TCF7L2: variants seen among roughly 807,000 people sequenced by gnomAD.
TCF7L2 encodes the protein transcription factor 7-like 2.
TCF7L2 carries 23 observed loss-of-function variants against 77.9 expected under a neutral mutation model. The ratio of observed to expected loss-of-function variants is 0.30; its 90% CI spans 0.21 to 0.42. TCF7L2 has a LOEUF of 0.42. Ranked by LOEUF, TCF7L2 falls within the 10% of genes least tolerant of loss-of-function variation. The pLI is 1.00. For synonymous variants in TCF7L2, 413 were observed against 340.2 expected (o/e 1.21, Z -2.36); for missense variants, 654 against 793.1 (o/e 0.82, Z 2.11).
chr10:113,164,775 G>GT (rs1453426252), intron 13 of TCF7L2, among the ~76,000 whole-genome samples: 4 of 148,764 alleles, frequency 2.7e-5, no homozygotes, highest in Non-Finnish European at 4.5e-5. Flanking sequence ...TTCGTTTTTT[G>GT]TTTTTTGTTT....
intron 5 of TCF7L2, among the ~76,000 whole-genome samples, chr10:113,121,067 TG>T (rs141294561): frequency 4.6e-4 from 70 of 151,982 alleles, no homozygotes; most frequent in Non-Finnish European, 8.1e-4. Flanking sequence ...CTTCGCAAAA[TG>T]GGGGGAAAAG....
At chr10:113,152,194 A>G in intron 10 of TCF7L2, 139 bp from the exon 11 acceptor site, 1 of 870,720 alleles carries the variant, frequency 1.1e-6, no homozygotes, top group Admixed American at 1.7e-5. Context: ...GTCAGTATGT[A>G]CAGATTATAC....
chr10:112,990,621 G>A (rs61875119), intron 4 of TCF7L2, among the ~76,000 whole-genome samples: 25,684 of 151,950 alleles, frequency 0.17, 2,694 homozygotes, highest in Middle Eastern at 0.32. Flanking sequence ...GTGGGCGGGC[G>A]ATTGAGCTCA....
At chr10:112,985,860 T>TTGTGTGTGTGTGTGTGTGTG (rs61481377) in intron 4 of TCF7L2, among the ~76,000 whole-genome samples, 2 of 146,608 alleles carry the variant, frequency 1.4e-5, no homozygotes, top group Non-Finnish European at 3.0e-5. Flanking sequence ...AGCCTGTAGT[T>TTGTGTGTGTGTGTGTGTGTG]TGTGTGTGTG....
intron 5 of TCF7L2, among the ~76,000 whole-genome samples, chr10:113,139,352 G>A (rs2067932351): frequency 6.6e-6 from 1 of 152,124 alleles, no homozygotes; most frequent in African/African-American, 2.4e-5. Flanking sequence ...GTTGTCCTGA[G>A]CAAATCTTCC....
At chr10:113,056,580 G>A (rs1437917825) in intron 5 of TCF7L2, among the ~76,000 whole-genome samples, 1 of 152,170 alleles carries the variant, frequency 6.6e-6, no homozygotes, top group Non-Finnish European at 1.5e-5. Flanking sequence ...ATTGGGGAGA[G>A]GGGGCAAGAA....
chr10:113,107,751 C>CAAAAA (rs2062551301), intron 5 of TCF7L2, among the ~76,000 whole-genome samples: 1 of 16,170 alleles, frequency 6.2e-5, no homozygotes, highest in Non-Finnish European at 1.3e-4. Flanking sequence ...GAGACTCCGT[C>CAAAAA]TAAAAAAAAA....
At chr10:113,051,536 T>A (rs569110804) in intron 5 of TCF7L2, among the ~76,000 whole-genome samples, 21 of 152,384 alleles carry the variant, frequency 1.4e-4, no homozygotes, top group Non-Finnish European at 2.4e-4. Flanking sequence ...CTGATTCTTC[T>A]ATCGCTATTT....
At chr10:112,992,268 G>T (rs561301570) in intron 4 of TCF7L2, among the ~76,000 whole-genome samples, 38 of 152,314 alleles carry the variant, frequency 2.5e-4, no homozygotes, top group African/African-American at 8.9e-4. Context: ...CAGGCAGTGG[G>T]ATTGGGCAAC....
chr10:113,063,323 G>A (rs924736824), intron 5 of TCF7L2, among the ~76,000 whole-genome samples: 3 of 152,080 alleles, frequency 2.0e-5, no homozygotes, highest in South Asian at 2.1e-4. Context: ...CCTTTTTGAC[G>A]GTCATGGGCT....
In TCF7L2 at chr10:113,165,827, C is replaced by T. The variant is rs1325371664; in HGVS notation, c.1664C>T (p.Ala555Val). 1.2e-5 allele frequency: 19 copies of T among 1,606,534 alleles called. No homozygotes were observed. Among genetic ancestry groups the T allele is most frequent in the Non-Finnish European group, 1.5e-5 (18 of 1,175,578 alleles). The change falls in exon 14 of 14, where the codon GCC becomes GTC. Residue 555 changes from alanine to valine, a missense_variant. Coordinates refer to ENST00000627217, the MANE Select transcript of TCF7L2 (RefSeq NM_001146274.2). ...GCCTCCGCCCTCTGTCCCAACGGGG[C>T]CCTGGACCTGCCCCCAGCCGCTTTG...
intron 4 of TCF7L2, among the ~76,000 whole-genome samples, chr10:112,979,553 T>G (rs555725409): frequency 3.3e-5 from 5 of 152,166 alleles, no homozygotes; most frequent in African/African-American, 1.2e-4. Flanking sequence ...GGTCAGGAGT[T>G]CGAGATCAGC....
At chr10:113,070,586 T>C (rs1689820424) in intron 5 of TCF7L2, among the ~76,000 whole-genome samples, 1 of 152,074 alleles carries the variant, frequency 6.6e-6, no homozygotes, top group Non-Finnish European at 1.5e-5. Flanking sequence ...TGAAACTTAA[T>C]CCTCGTGACA....
intron 5 of TCF7L2, among the ~76,000 whole-genome samples, chr10:113,071,857 C>G (rs1299306219): frequency 1.3e-5 from 2 of 152,200 alleles, no homozygotes; most frequent in Non-Finnish European, 2.9e-5. Flanking sequence ...CCCCCACCCC[C>G]CATGAGTGGA....
chr10:113,072,895 C>T (rs2058206386), intron 5 of TCF7L2, among the ~76,000 whole-genome samples: 1 of 152,126 alleles, frequency 6.6e-6, no homozygotes, highest in Non-Finnish European at 1.5e-5. Context: ...TGTGATGGCA[C>T]TGGGCCTGAG....
chr10:113,107,159 G>A (rs2062435836), intron 5 of TCF7L2, among the ~76,000 whole-genome samples: 1 of 152,166 alleles, frequency 6.6e-6, no homozygotes, highest in South Asian at 2.1e-4. Context: ...GTTAAACTGG[G>A]CCTGGAATGT....
chr10:113,099,891 T>G (rs1359629463), intron 5 of TCF7L2, among the ~76,000 whole-genome samples: 5 of 152,000 alleles, frequency 3.3e-5, no homozygotes, highest in Non-Finnish European at 4.4e-5. Flanking sequence ...CAGAACACAG[T>G]TGTAGCTCTC....
intron 5 of TCF7L2, among the ~76,000 whole-genome samples, chr10:113,075,126 G>T (rs1461623919): frequency 1.3e-5 from 2 of 151,872 alleles, no homozygotes; most frequent in Admixed American, 6.6e-5. Flanking sequence ...AGCATGCTGG[G>T]ATTACAGGTA....
chr10:113,025,972 G>C (rs970844053), intron 4 of TCF7L2, among the ~76,000 whole-genome samples: 1 of 147,852 alleles, frequency 6.8e-6, no homozygotes, highest in East Asian at 2.0e-4. Flanking sequence ...TCTGCCTCCC[G>C]GGTTCAAGTG....
Sources: allele counts gnomAD v4.1 joint callset (sites outside exome capture counted in the v4.1 genomes callset), GRCh38; gene constraint gnomAD v4.1.1; transcripts MANE v1.5; gene names NCBI Gene and HGNC (gene_info 2026-07-23, HGNC 2026-07-21).